PTPRD: variants seen among roughly 807,000 people sequenced by gnomAD.
The protein encoded by PTPRD is protein tyrosine phosphatase receptor type D.
PTPRD carries 34 observed loss-of-function variants against 214.5 expected under a neutral mutation model. The ratio of observed to expected loss-of-function variants is 0.16; its 90% confidence interval spans 0.12 to 0.21. The LOEUF (loss-of-function observed/expected upper bound fraction) is 0.21. Among genes scored for constraint, PTPRD ranks in the 10% least tolerant of loss-of-function variants. The pLI is 1.00. For missense variants in PTPRD, 2,545 were observed against 2,398.7 expected, an observed-to-expected ratio of 1.06 and a Z score of -1.27; for synonymous variants, 1,128 against 845.7, an observed-to-expected ratio of 1.33 and a Z score of -5.79.
At chr9:9,001,616 G>A (rs963405229) in intron 11 of PTPRD, among the ~76,000 whole-genome samples, 1 of 151,942 alleles carries the variant, frequency 6.6e-6, no homozygotes, top group South Asian at 2.1e-4. Flanking sequence ...AGGGCTCAGA[G>A]GTTCTTCATT....
chr9:9,603,061 A>G (rs914218453), intron 7 of PTPRD, among the ~76,000 whole-genome samples: 22 of 152,190 alleles, frequency 1.4e-4, no homozygotes, highest in Non-Finnish European at 2.8e-4. Context: ...TCTTGATTGA[A>G]ATTAATCTGT....
At chr9:9,627,318 A>G (rs948849228) in intron 7 of PTPRD, among the ~76,000 whole-genome samples, 5 of 152,102 alleles carry the variant, frequency 3.3e-5, no homozygotes, top group Non-Finnish European at 5.9e-5. Context: ...AAAAAATTCT[A>G]TTTTGCAGAA....
intron 12 of PTPRD, among the ~76,000 whole-genome samples, chr9:8,660,589 G>T (rs1380666924): frequency 6.6e-6 from 1 of 152,082 alleles, no homozygotes; most frequent in Admixed American, 6.6e-5. Flanking sequence ...CAGCCCCTCA[G>T]TGAACTTCTC....
intron 9 of PTPRD, among the ~76,000 whole-genome samples, chr9:9,285,323 C>G (rs1949015709): frequency 6.6e-6 from 1 of 151,716 alleles, no homozygotes; most frequent in Non-Finnish European, 1.5e-5. Context: ...TCACATTTTC[C>G]TCTATTTCCT....
chr9:10,098,224 T>C (rs958358866), intron 3 of PTPRD, among the ~76,000 whole-genome samples: 1 of 151,272 alleles, frequency 6.6e-6, no homozygotes, highest in Non-Finnish European at 1.5e-5. Context: ...ACCGTCATTC[T>C]CAGCAAACTA....
intron 39 of PTPRD, among the ~76,000 whole-genome samples, chr9:8,367,226 G>T (rs536034277): frequency 6.7e-6 from 1 of 150,172 alleles, no homozygotes; most frequent in East Asian, 1.9e-4. Flanking sequence ...ATTCAAATAA[G>T]CATTTTTTTT....
At chr9:9,641,774 T>C (rs1463803755) in intron 7 of PTPRD, among the ~76,000 whole-genome samples, 1 of 152,102 alleles carries the variant, frequency 6.6e-6, no homozygotes, top group Non-Finnish European at 1.5e-5. Context: ...CAAACGTGTT[T>C]GCCAGCGGGG....
At chr9:10,302,154 T>A (rs925634089) in intron 3 of PTPRD, among the ~76,000 whole-genome samples, 9 of 152,128 alleles carry the variant, frequency 5.9e-5, no homozygotes, top group Non-Finnish European at 1.2e-4. Flanking sequence ...GAATTTCTTA[T>A]CCAGCCAAAC....
chr9:9,573,342 T>C (rs2087159035), intron 8 of PTPRD, among the ~76,000 whole-genome samples: 1 of 151,414 alleles, frequency 6.6e-6, no homozygotes, highest in Admixed American at 6.6e-5. Context: ...GAACTGAAGA[T>C]ATTGCTTATG....
At chr9:9,319,451 G>A (rs1965257168) in intron 9 of PTPRD, among the ~76,000 whole-genome samples, 1 of 152,182 alleles carries the variant, frequency 6.6e-6, no homozygotes, top group African/African-American at 2.4e-5. Flanking sequence ...AAAACACACA[G>A]ATGTGGAGAA....
chr9:9,916,296 C>T (rs371331162), intron 5 of PTPRD, among the ~76,000 whole-genome samples: 3 of 151,754 alleles, frequency 2.0e-5, no homozygotes, highest in African/African-American at 7.3e-5. Flanking sequence ...CTCAAATTCA[C>T]TGATACACAC....
chr9:8,619,042 G>A (rs1257936705), intron 14 of PTPRD, among the ~76,000 whole-genome samples: 6 of 149,740 alleles, frequency 4.0e-5, no homozygotes, highest in African/African-American at 9.8e-5. Flanking sequence ...TTACAGGATT[G>A]AGCCACTGCA....
At chr9:10,554,391 A>C (rs1175212443) in intron 2 of PTPRD, among the ~76,000 whole-genome samples, 2 of 152,118 alleles carry the variant, frequency 1.3e-5, no homozygotes, top group Admixed American at 6.5e-5. Context: ...TTAGCTCCAT[A>C]CTTTTTCATA....
chr9:9,186,922 A>G (rs911207500), intron 9 of PTPRD, among the ~76,000 whole-genome samples: 1 of 151,852 alleles, frequency 6.6e-6, no homozygotes, highest in Non-Finnish European at 1.5e-5. Context: ...TAATTTTTTT[A>G]TATTTACTAT....
intron 2 of PTPRD, among the ~76,000 whole-genome samples, chr9:10,541,892 T>C (rs565325684): frequency 2.6e-5 from 4 of 152,224 alleles, no homozygotes; most frequent in African/African-American, 7.2e-5. Context: ...ACAACTTTCA[T>C]CAATTATTTG....
chr9:10,574,207 G>A (rs2068403282), intron 2 of PTPRD, among the ~76,000 whole-genome samples: 1 of 151,724 alleles, frequency 6.6e-6, no homozygotes, highest in Non-Finnish European at 1.5e-5. Flanking sequence ...ATGTGTGTGT[G>A]TGTGTGCGTG....
At chr9:9,459,309 C>T (rs997140389) in intron 8 of PTPRD, among the ~76,000 whole-genome samples, 3 of 152,068 alleles carry the variant, frequency 2.0e-5, no homozygotes, top group South Asian at 2.1e-4. Context: ...AGAATGTACA[C>T]TTTTACCACT....
At chr9:8,549,323 G>C (rs1000724555) in intron 14 of PTPRD, among the ~76,000 whole-genome samples, 1 of 152,122 alleles carries the variant, frequency 6.6e-6, no homozygotes, top group African/African-American at 2.4e-5. Context: ...ATGATGGTAG[G>C]TCAGCAGGCA....
intron 9 of PTPRD, among the ~76,000 whole-genome samples, chr9:9,294,614 A>T (rs897128898): frequency 6.6e-6 from 1 of 151,708 alleles, no homozygotes; most frequent in African/African-American, 2.4e-5. Context: ...ATGTCTGTGC[A>T]CAAAGAAGAG....
Sources: gnomAD v4.1 joint callset for allele counts (sites outside exome capture counted in the v4.1 genomes callset) on GRCh38, gnomAD v4.1.1 for gene constraint, MANE v1.5 for transcripts, NCBI Gene and HGNC (gene_info 2026-07-23, HGNC 2026-07-21) for gene names.